Variants in NCOA4 observed in about 807,000 individuals in gnomAD.
NCOA4 encodes 70 kDa AR-activator.
A neutral mutation model predicts 69.5 loss-of-function variants in NCOA4; 31 were observed. The ratio of observed to expected loss-of-function variants is 0.45; its 90% CI spans 0.34 to 0.60. The LOEUF (loss-of-function observed/expected upper bound fraction) is 0.60, where lower values mean the gene tolerates loss of function less well. Among genes scored for constraint, NCOA4 ranks in the 20% least tolerant of loss-of-function variants. NCOA4 has a pLI of 0.02. For missense variants in NCOA4, 600 were observed against 719.2 expected, an observed-to-expected ratio of 0.83 and a Z score of 1.90; for synonymous variants, 228 against 252.4, an observed-to-expected ratio of 0.90 and a Z score of 0.92.
chr10:46,016,607 C>T lies in NCOA4; in HGVS notation c.74G>A (p.Arg25Lys). The change falls in exon 2 of 10, where the codon AGG (arginine) becomes AAG (lysine). Residue 25 changes from arginine (R) to lysine (K), a missense_variant. By Grantham distance (26) the Arg-to-Lys change is conservative. Coordinates refer to ENST00000581486, the MANE Select transcript of NCOA4 (RefSeq NM_001145263.2). Reference sequence around the variant, plus strand: ...TCCACCAATAGCAAGCTCCAAGTCCCTCCGTGCATCACTACACCTCAAAAG... The same window carrying T: ...TCCACCAATAGCAAGCTCCAAGTCCTTCCGTGCATCACTACACCTCAAAAG... Reference protein sequence around the residue: ...EPLLRCSDARRDLELAIGGVL... With the variant: ...EPLLRCSDARKDLELAIGGVL... The T allele has an allele frequency of 6.4e-7, 1 of 1,569,040 alleles. No homozygotes were observed. The highest frequency in any genetic ancestry group is 8.7e-7 in the Non-Finnish European group (1 of 1,151,826).
chr10:46,012,817 A>G (rs1424172148), intron 7 of NCOA4, 66 bp downstream of exon 7: 1 of 1,572,372 alleles, frequency 6.4e-7, no homozygotes, highest in Non-Finnish European at 8.7e-7. Context: ...ACATAGTACT[A>G]CTGATTAGTA....
rs144849237 is a variant in NCOA4 at position 46,029,766 on chromosome 10, G to T, written c.-15+760C>A. On this transcript the variant is annotated intron_variant, in intron 1 of 9. Transcript: ENST00000581486. Reference sequence around the variant, plus strand: ...CATTCCATGTTAAATCCCGTGCCACGTAAGATTATGATTATTGTTTTCCCC... The same window carrying T: ...CATTCCATGTTAAATCCCGTGCCACTTAAGATTATGATTATTGTTTTCCCC... 2.9e-4 allele frequency among the ~76,000 whole-genome samples: 44 copies of T among 152,268 alleles called. No homozygotes were observed. The East Asian group carries it at 8.1e-3, about 28-fold the overall frequency.
chr10:46,008,071 C>G (rs1228618695), intron 9 of NCOA4, among the ~76,000 whole-genome samples: 1 of 152,226 alleles, frequency 6.6e-6, no homozygotes, highest in African/African-American at 2.4e-5. Flanking sequence ...AAAAAACATT[C>G]CTTTCAAAAT....
Position 46,011,199 on chromosome 10 carries a change from G to A in NCOA4, c.722C>T (p.Ser241Phe), listed in dbSNP as rs1554921445. The A allele has an allele frequency of 6.3e-7, 1 of 1,585,994 alleles. No homozygotes were observed. The highest frequency in any genetic ancestry group is 8.5e-7 in the Non-Finnish European group (1 of 1,170,192). The change falls in exon 8 of 10, where the codon TCC becomes TTC. Residue 241 changes from serine to phenylalanine, a missense_variant. By Grantham distance (155) the Ser-to-Phe change is radical. Transcript: ENST00000581486. ...KQTLENSQTS[S>F]RACNFFNNVG... is the part of the protein sequence containing the mutation. ...ATTATTGAAGAAATTGCAGGCTCTG[G>A]AAGAAGTCTACACAAAAAGTACACA... is the stretch of plus-strand genomic sequence containing the variant.
Position 46,006,435 on chromosome 10 carries a change from CTG to C in NCOA4, c.*155_*156del. On this transcript the variant is annotated 3_prime_UTR_variant, in exon 10 of 10. Transcript: ENST00000581486. ...TTTCTTTTAAACAGTAACTCATAATCTGATGACTCACTTTGCTTTACTAGTTC... is the reference window on the plus strand; with the variant it reads ...TTTCTTTTAAACAGTAACTCATAATCATGACTCACTTTGCTTTACTAGTTC... The C allele has an allele frequency of 1.3e-6, 1 of 776,878 alleles. No individual in the cohort carries two copies. The highest frequency in any genetic ancestry group is 1.7e-5 in the African/African-American group (1 of 58,440). 48.1% of individuals were successfully genotyped at this position (776,878 alleles called of 1,614,324 possible). A position where few individuals can be genotyped will look rare whatever the true frequency, so the allele number is the denominator to read the frequency against.
intron 1 of NCOA4, chr10:46,027,504 G>C: frequency 6.5e-7 from 1 of 1,547,678 alleles, no homozygotes; most frequent in Non-Finnish European, 8.7e-7. Flanking sequence ...TGCGTTCTAT[G>C]TTGAAGCAAT....
chr10:46,030,453 G>A (rs1258341418), intron 1 of NCOA4, 73 bp downstream of exon 1: 1 of 88,208 alleles, frequency 1.1e-5, no homozygotes, highest in Non-Finnish European at 2.9e-5. Flanking sequence ...GGTCGGGTCG[G>A]GAAGGGGCGG....
chr10:46,018,165 C>G (rs969107304), intron 1 of NCOA4, among the ~76,000 whole-genome samples: 2 of 152,144 alleles, frequency 1.3e-5, no homozygotes, highest in Non-Finnish European at 2.9e-5. Flanking sequence ...GAGGCACATC[C>G]CTGTTTTTCC....
At chr10:46,016,486 A>G (rs1428195038) in intron 2 of NCOA4, 54 bp downstream of exon 2, 3 of 1,368,066 alleles carry the variant, frequency 2.2e-6, no homozygotes, top group East Asian at 5.3e-5. Flanking sequence ...GCCATGCTCA[A>G]ATCAGCCCTG....
intron 1 of NCOA4, among the ~76,000 whole-genome samples, chr10:46,025,342 T>G (rs1033955685): frequency 1.3e-5 from 2 of 152,178 alleles, no homozygotes; most frequent in Non-Finnish European, 2.9e-5. Context: ...CCACACACAC[T>G]GAGGGTGGAT....
intron 1 of NCOA4, among the ~76,000 whole-genome samples, chr10:46,019,168 T>C (rs1015441779): frequency 2.0e-4 from 31 of 152,240 alleles, no homozygotes; most frequent in Non-Finnish European, 3.7e-4. Flanking sequence ...GCTGCCTTAA[T>C]TGGATTTCAC....
rs1340279956 is a variant in NCOA4, at chr10:46,006,109, CTATG to C, written c.*479_*482del. Reference sequence around the variant, plus strand: ...GGTTAATTTTTTTGTGCAAAATACACTATGTATTAATAGAACAGGAAAATAATTA... The same window carrying C: ...GGTTAATTTTTTTGTGCAAAATACACTATTAATAGAACAGGAAAATAATTA... On this transcript the variant is annotated 3_prime_UTR_variant, in exon 10 of 10. Coordinates refer to ENST00000581486, the MANE Select transcript of NCOA4 (RefSeq NM_001145263.2). 11 of 217,724 alleles carry C rather than the reference CTATG, an allele frequency of 5.1e-5. No individual in the cohort carries two copies. The highest frequency in any genetic ancestry group is 1.2e-4 in the Admixed American group (2 of 17,372). The allele number at this position is 217,724 out of a possible 1,614,324, so 13.5% of individuals were successfully genotyped here.
rs569812014 is a variant in NCOA4 at position 46,029,051 on chromosome 10, G to C, written c.-15+1475C>G. On this transcript the variant is annotated intron_variant, in intron 1 of 9. Coordinates refer to ENST00000581486, the MANE Select transcript of NCOA4 (RefSeq NM_001145263.2). ...TGATTTAATAAAAAAAAAAAAAAGG[G>C]GGGGGTGAGGGGTACTATGTAGTTC... Among the ~76,000 whole-genome samples the C allele has an allele frequency of 5.3e-3, 807 of 151,782 alleles. 6 individuals carry two copies. The highest frequency in any genetic ancestry group is 0.017 in the Middle Eastern group (5 of 290).
intron 1 of NCOA4, chr10:46,027,288 A>AT: frequency 1.4e-6 from 1 of 704,868 alleles, no homozygotes; most frequent in Non-Finnish European, 2.2e-6. Flanking sequence ...AAAAAAAAAA[A>AT]GAATGATTAA....
chr10:46,016,652 C>G lies in NCOA4; in HGVS notation c.29G>C (p.Ser10Thr). 6.6e-7 allele frequency: 1 copy of G among 1,526,420 alleles called. No individual in the cohort carries two copies. The highest frequency in any genetic ancestry group is 8.9e-7 in the Non-Finnish European group (1 of 1,126,430). 94.6% of individuals were successfully genotyped at this position (1,526,420 alleles called of 1,614,324 possible). A position where few individuals can be genotyped will look rare whatever the true frequency, so the allele number is the denominator to read the frequency against. MNTFQDQSG[S>T]SSNREPLLRC... Reference sequence around the variant, plus strand: ...CAAAAGGGGTTCTCTATTACTGGAGCTGCCACTCTGGTCTTGGAAGGTATT... The same window carrying G: ...CAAAAGGGGTTCTCTATTACTGGAGGTGCCACTCTGGTCTTGGAAGGTATT... The change falls in exon 2 of 10, where the codon AGC (serine) becomes ACC (threonine). Residue 10 changes from serine (S) to threonine (T), a missense_variant. Transcript: ENST00000581486.
At chr10:46,007,636 A>G (rs1554920152) in intron 9 of NCOA4, among the ~76,000 whole-genome samples, 3 of 127,910 alleles carry the variant, frequency 2.3e-5, no homozygotes, top group African/African-American at 9.2e-5. Context: ...TCTGTCAACC[A>G]GGCAAGACCG....
rs1180126455 is a variant in NCOA4, at chr10:46,012,993, T to G, written c.604A>C (p.Ser202Arg). 1.9e-6 allele frequency: 3 copies of G among 1,614,014 alleles called. No homozygotes were observed. Among genetic ancestry groups the G allele is most frequent in the Non-Finnish European group, 2.5e-6 (3 of 1,180,006 alleles). Residue 202 changes from serine to arginine, a missense_variant, in exon 7 of 10, where the codon AGC becomes CGC. Transcript: ENST00000581486. ...GGTTTGCTTCCAAGGAGCCATTCGC[T>G]GAAAGGGACAGCTACAATACCGGAT... The part of the protein sequence containing the change: ...SASGIVAVPF[S>R]EWLLGSKPAS...
At chr10:46,020,773 T>C (rs1384663199) in intron 1 of NCOA4, among the ~76,000 whole-genome samples, 6 of 152,230 alleles carry the variant, frequency 3.9e-5, no homozygotes, top group Admixed American at 6.5e-5. Context: ...TGTAGAAAGA[T>C]TGGACCAAAT....
rs192257169 is a variant in NCOA4 at position 46,019,539 on chromosome 10, A to C, written c.-14-2845T>G. ...GGCACAGTGTAAAATTGAATCAATA[A>C]AATTAAATTGTTGCTTCACAATGTC... On this transcript the variant is annotated intron_variant, in intron 1 of 9. Coordinates refer to ENST00000581486, the MANE Select transcript of NCOA4 (RefSeq NM_001145263.2). 6 of 984,876 alleles carry C rather than the reference A, an allele frequency of 6.1e-6. No homozygotes were observed. The East Asian group carries it at 6.8e-4, about 112-fold the overall frequency. The allele number at this position is 984,876 out of a possible 1,614,324, so 61.0% of individuals were successfully genotyped here. A position where few individuals can be genotyped will look rare whatever the true frequency, so the allele number is the denominator to read the frequency against.
Sources: gnomAD v4.1 joint callset for allele counts (sites outside exome capture counted in the v4.1 genomes callset) on GRCh38, gnomAD v4.1.1 for gene constraint, MANE v1.5 for transcripts, NCBI Gene and HGNC (gene_info 2026-07-23, HGNC 2026-07-21) for gene names.